FCHSD2: variants seen among roughly 807,000 people sequenced by gnomAD.
FCHSD2 encodes the protein F-BAR and double SH3 domains protein 2.
Under a neutral mutation model 108.1 loss-of-function variants are expected in FCHSD2, and 38 were observed. The observed-to-expected ratio is 0.35, with a 90% CI of 0.27 to 0.46. The LOEUF (loss-of-function observed/expected upper bound fraction) is 0.46, where lower values mean the gene tolerates loss of function less well. Ranked by LOEUF, FCHSD2 falls within the 20% of genes least tolerant of loss-of-function variation. The probability of loss-of-function intolerance (pLI) is 1.00; values close to 1 mark genes in which losing one functional copy is unlikely to be tolerated. For synonymous variants in FCHSD2, 279 were observed against 314.7 expected, an observed-to-expected ratio of 0.89 and a Z score of 1.20; for missense variants, 751 against 897.8, an observed-to-expected ratio of 0.84 and a Z score of 2.09.
At position 72,902,556 on chromosome 11, in the gene FCHSD2, C is replaced by G; in HGVS notation, c.911G>C (p.Cys304Ser). The change falls in exon 10 of 20, where the codon TGT (cysteine) becomes TCT (serine). Residue 304 changes from cysteine to serine, a missense_variant. Physicochemically the swap from Cys to Ser is moderately radical, Grantham distance 112. Coordinates refer to ENST00000409418, the MANE Select transcript of FCHSD2 (RefSeq NM_014824.3). ...HKPQPFQFQPCDSDTSRQLES... is the reference protein window; with the variant it reads ...HKPQPFQFQPSDSDTSRQLES... ...TAATTCCCTTACAGTATCACTGTCA[C>G]AAGGCTGGAACTGGAAGGGCTGGGG... 6.3e-7 allele frequency: 1 copy of G among 1,581,452 alleles called. No homozygotes were observed. The highest frequency in any genetic ancestry group is 8.6e-7 in the Non-Finnish European group (1 of 1,162,120).
At chr11:72,879,545 T>A (rs866313235) in intron 12 of FCHSD2, among the ~76,000 whole-genome samples, 7 of 152,132 alleles carry the variant, frequency 4.6e-5, no homozygotes, top group African/African-American at 1.7e-4. Flanking sequence ...AACATGAAGA[T>A]AAATAGGAAT....
At chr11:72,889,504 G>GT (rs1271217595) in intron 11 of FCHSD2, among the ~76,000 whole-genome samples, 1 of 152,132 alleles carries the variant, frequency 6.6e-6, no homozygotes, top group Non-Finnish European at 1.5e-5. Context: ...GAGCAAAGGA[G>GT]TTTGAGACCA....
intron 3 of FCHSD2, among the ~76,000 whole-genome samples, chr11:73,070,530 T>G (rs1451326701): frequency 6.6e-6 from 1 of 152,148 alleles, no homozygotes; most frequent in Non-Finnish European, 1.5e-5. Context: ...TTCAAGCGAT[T>G]CTCCTGCCTC....
chr11:72,934,899 A>G (rs1856269905), intron 8 of FCHSD2, among the ~76,000 whole-genome samples: 1 of 152,196 alleles, frequency 6.6e-6, no homozygotes, highest in Non-Finnish European at 1.5e-5. Flanking sequence ...GACCAGCAAT[A>G]TGTTTTAATG....
rs1411863192 is a variant in FCHSD2 at position 72,845,684 on chromosome 11, A to T, written c.1444-2152T>A. On this transcript the variant is annotated intron_variant, in intron 14 of 19. Transcript: ENST00000409418. Reference sequence around the variant, plus strand: ...GCTTTGGCCCCTGCACACTATTTCTATTCTCTGAGCATACCATGTTCTTCC... The same window carrying T: ...GCTTTGGCCCCTGCACACTATTTCTTTTCTCTGAGCATACCATGTTCTTCC... Among the ~76,000 whole-genome samples the T allele has an allele frequency of 2.0e-5, 3 of 152,132 alleles. No individual in the cohort carries two copies. In the East Asian group the frequency reaches 5.8e-4, roughly 29 times the overall value.
rs767491037 is a variant in FCHSD2 at position 72,979,807 on chromosome 11, A to G, written c.705+4281T>C. Among the ~76,000 whole-genome samples, 27 of 152,362 alleles carry G rather than the reference A, an allele frequency of 1.8e-4. No homozygotes were observed. The East Asian group carries it at 3.3e-3, about 18-fold the overall frequency. ...AAGAAAACTGGAGATCTAACACAAC[A>G]AAGACATATAGGAAGATCTCAGGAT... On this transcript the variant is annotated intron_variant, in intron 8 of 19. Coordinates refer to ENST00000409418, the MANE Select transcript of FCHSD2 (RefSeq NM_014824.3).
chr11:73,108,079 T>C (rs1036078665), intron 2 of FCHSD2, among the ~76,000 whole-genome samples: 3 of 152,106 alleles, frequency 2.0e-5, no homozygotes, highest in Admixed American at 2.0e-4. Context: ...CCGGTGTTTG[T>C]TACTGTCTGT....
At chr11:73,074,940 G>A (rs1209679657) in intron 3 of FCHSD2, among the ~76,000 whole-genome samples, 1 of 152,130 alleles carries the variant, frequency 6.6e-6, no homozygotes, top group African/African-American at 2.4e-5. Flanking sequence ...AGTGGGGAGG[G>A]AGGGAGGCAG....
chr11:73,025,335 T>C (rs1015282332), intron 3 of FCHSD2, among the ~76,000 whole-genome samples: 21 of 152,216 alleles, frequency 1.4e-4, no homozygotes, highest in Admixed American at 6.5e-5. Flanking sequence ...TAATGTCTTC[T>C]GCAGGAACAT....
At chr11:72,847,841 C>T (rs1027709345) in intron 14 of FCHSD2, among the ~76,000 whole-genome samples, 5 of 151,878 alleles carry the variant, frequency 3.3e-5, no homozygotes, top group South Asian at 2.1e-4. Context: ...TACAGGCGCC[C>T]GCCACCACGC....
At chr11:73,080,452 T>C (rs1169217507) in intron 3 of FCHSD2, among the ~76,000 whole-genome samples, 2 of 152,044 alleles carry the variant, frequency 1.3e-5, no homozygotes, top group Non-Finnish European at 2.9e-5. Context: ...TATGTGCATA[T>C]ATGTATTTAA....
At chr11:73,061,033 T>C (rs528741358) in intron 3 of FCHSD2, among the ~76,000 whole-genome samples, 1 of 152,222 alleles carries the variant, frequency 6.6e-6, no homozygotes, top group South Asian at 2.1e-4. Context: ...GATGGCCAAA[T>C]AGGAACAGCT....
At chr11:72,915,933 G>T (rs1855863965) in intron 9 of FCHSD2, among the ~76,000 whole-genome samples, 1 of 152,182 alleles carries the variant, frequency 6.6e-6, no homozygotes, top group African/African-American at 2.4e-5. Flanking sequence ...GAATGGAGCT[G>T]GAGGCCACTA....
At chr11:72,937,356 T>G (rs190665296) in intron 8 of FCHSD2, among the ~76,000 whole-genome samples, 1 of 152,244 alleles carries the variant, frequency 6.6e-6, no homozygotes, top group African/African-American at 2.4e-5. Context: ...ATAGTCTCTT[T>G]TGTGTGCATT....
At chr11:72,849,512 TTCAATGAGGAGCAGGGGACA>T (rs1861228409) in intron 14 of FCHSD2, among the ~76,000 whole-genome samples, 1 of 152,158 alleles carries the variant, frequency 6.6e-6, no homozygotes. Flanking sequence ...TGAGCTGAGC[TTCAATGAGGAGCAGGGGACA>T]ACCAACTGAG....
At chr11:73,055,834 A>G (rs1225581387) in intron 3 of FCHSD2, among the ~76,000 whole-genome samples, 1 of 152,196 alleles carries the variant, frequency 6.6e-6, no homozygotes, top group Non-Finnish European at 1.5e-5. Flanking sequence ...ATTTATAGAA[A>G]CAGAAAGTAG....
chr11:72,860,173 C>T (rs1370023249), intron 13 of FCHSD2, among the ~76,000 whole-genome samples: 2 of 152,206 alleles, frequency 1.3e-5, no homozygotes, highest in South Asian at 2.1e-4. Flanking sequence ...GTAATGCTCC[C>T]TCTCTGGCCA....
intron 2 of FCHSD2, among the ~76,000 whole-genome samples, chr11:73,134,019 A>C (rs1354961370): frequency 6.6e-6 from 1 of 152,126 alleles, no homozygotes; most frequent in East Asian, 1.9e-4. Flanking sequence ...GGTACACTTT[A>C]AATGGGATAC....
intron 8 of FCHSD2, among the ~76,000 whole-genome samples, chr11:72,964,890 C>T (rs990596023): frequency 3.3e-5 from 5 of 151,124 alleles, no homozygotes; most frequent in East Asian, 3.9e-4. Flanking sequence ...CCCGGGTTCA[C>T]GCCATTCTCC....
Sources: allele counts gnomAD v4.1 joint callset (sites outside exome capture counted in the v4.1 genomes callset), GRCh38; gene constraint gnomAD v4.1.1; transcripts MANE v1.5; gene names NCBI Gene and HGNC (gene_info 2026-07-23, HGNC 2026-07-21).